The following CSMD1 variants were observed in gnomAD, a reference collection of about 807,000 sequenced individuals.
CSMD1 encodes CUB and Sushi multiple domains 1, also known as CUB and sushi domain-containing protein 1.
CSMD1 carries 213 observed loss-of-function variants against 417.5 expected under a neutral mutation model. The observed-to-expected ratio is 0.51, with a 90% CI of 0.46 to 0.57. CSMD1 has a LOEUF of 0.57. Ranked by LOEUF, CSMD1 falls within the 20% of genes least tolerant of loss-of-function variation. The probability of loss-of-function intolerance (pLI) is 0.00; values close to 1 mark genes in which losing one functional copy is unlikely to be tolerated. For missense variants in CSMD1, 6,923 were observed against 4,529.7 expected (o/e 1.53, Z -15.17); for synonymous variants, 2,862 against 1,736.8 (o/e 1.65, Z -16.11).
intron 1 of CSMD1, among the ~76,000 whole-genome samples, chr8:4,956,028 C>G (rs1198388258): frequency 1.3e-5 from 2 of 152,216 alleles, no homozygotes; most frequent in Non-Finnish European, 2.9e-5. Flanking sequence ...CTGCTCCAGT[C>G]ACGTGCTCAA....
intron 1 of CSMD1, among the ~76,000 whole-genome samples, chr8:4,838,186 T>C (rs573383693): frequency 2.2e-4 from 34 of 152,300 alleles, no homozygotes; most frequent in Middle Eastern, 6.8e-3. Flanking sequence ...TTGTGTGCAG[T>C]GTTCTCCCCG....
At chr8:3,732,204 G>C (rs781223239) in intron 6 of CSMD1, among the ~76,000 whole-genome samples, 1 of 152,182 alleles carries the variant, frequency 6.6e-6, no homozygotes, top group African/African-American at 2.4e-5. Flanking sequence ...TTTCCGAGAG[G>C]ACTCTATCAA....
At chr8:4,876,137 G>C (rs954163629) in intron 1 of CSMD1, among the ~76,000 whole-genome samples, 1 of 151,946 alleles carries the variant, frequency 6.6e-6, no homozygotes, top group Admixed American at 6.6e-5. Context: ...GTAAAATTAA[G>C]GAATACAAAT....
chr8:3,835,867 T>C (rs1417473701), intron 5 of CSMD1, among the ~76,000 whole-genome samples: 1 of 152,148 alleles, frequency 6.6e-6, no homozygotes, highest in African/African-American at 2.4e-5. Flanking sequence ...AGTGCCTCTG[T>C]ACCATTCGTT....
At chr8:2,984,560 G>T (rs927643622) in intron 54 of CSMD1, among the ~76,000 whole-genome samples, 1 of 152,168 alleles carries the variant, frequency 6.6e-6, no homozygotes, top group African/African-American at 2.4e-5. Context: ...TATTGGTCAG[G>T]CTGGTCTTGA....
intron 12 of CSMD1, among the ~76,000 whole-genome samples, chr8:3,463,622 G>C (rs922437394): frequency 5.9e-5 from 9 of 152,224 alleles, no homozygotes; most frequent in African/African-American, 1.4e-4. Context: ...CCAGTGAGCT[G>C]TCCTCGGTTC....
rs118180338 is a variant in CSMD1 at position 4,839,366 on chromosome 8, T to C, written c.85+154966A>G. ...CATACAACCAAGCAAATATATTTCA[T>C]AATTATGTCAAAGTATCACATCACA... On this transcript the variant is annotated intron_variant, in intron 1 of 69. Coordinates refer to ENST00000635120, the MANE Select transcript of CSMD1 (RefSeq NM_033225.6). Among the ~76,000 whole-genome samples the C allele has an allele frequency of 8.5e-3, 1,295 of 152,344 alleles. 11 individuals carry two copies. Among genetic ancestry groups the C allele is most frequent in the South Asian group, 0.035 (169 of 4,832 alleles).
chr8:4,355,994 G>A (rs975006217), intron 3 of CSMD1, among the ~76,000 whole-genome samples: 4 of 152,068 alleles, frequency 2.6e-5, no homozygotes, highest in African/African-American at 9.7e-5. Flanking sequence ...TGATATTGGG[G>A]TACATGTGGC....
chr8:4,320,821 A>C (rs958222653), intron 3 of CSMD1, among the ~76,000 whole-genome samples: 7 of 152,178 alleles, frequency 4.6e-5, no homozygotes, highest in Non-Finnish European at 1.0e-4. Context: ...TTGACCCAAC[A>C]ATCCCATTAC....
chr8:3,970,255 C>A (rs973299324), intron 5 of CSMD1, among the ~76,000 whole-genome samples: 1 of 152,202 alleles, frequency 6.6e-6, no homozygotes, highest in Non-Finnish European at 1.5e-5. Context: ...ACTAAACAGA[C>A]CAGAACGCTG....
intron 2 of CSMD1, among the ~76,000 whole-genome samples, chr8:4,515,048 A>G (rs1803040724): frequency 6.6e-6 from 1 of 151,954 alleles, no homozygotes; most frequent in Non-Finnish European, 1.5e-5. Flanking sequence ...TCAGAACTAC[A>G]CTCCACACCC....
intron 1 of CSMD1, among the ~76,000 whole-genome samples, chr8:4,722,449 T>C (rs943335582): frequency 6.6e-6 from 1 of 152,160 alleles, no homozygotes; most frequent in Non-Finnish European, 1.5e-5. Context: ...GAAGTGAAAA[T>C]GCATTTTGTA....
chr8:3,779,658 A>G (rs943782686), intron 5 of CSMD1, among the ~76,000 whole-genome samples: 4 of 152,202 alleles, frequency 2.6e-5, no homozygotes, highest in Non-Finnish European at 5.9e-5. Context: ...CATTTATGCA[A>G]TGATATGACA....
chr8:4,124,034 A>G (rs1431877904), intron 3 of CSMD1, among the ~76,000 whole-genome samples: 2 of 151,952 alleles, frequency 1.3e-5, no homozygotes, highest in African/African-American at 4.8e-5. Context: ...TTTTTTCTAC[A>G]TTGCATTCCG....
At chr8:3,388,179 G>A (rs569600504) in intron 17 of CSMD1, among the ~76,000 whole-genome samples, 9 of 152,240 alleles carry the variant, frequency 5.9e-5, no homozygotes, top group African/African-American at 1.9e-4. Context: ...AACTGTGCTA[G>A]TGTTATTTTT....
chr8:3,707,952 G>A (rs995684006), intron 7 of CSMD1, among the ~76,000 whole-genome samples: 5 of 152,174 alleles, frequency 3.3e-5, no homozygotes, highest in African/African-American at 9.7e-5. Context: ...TGCAGATCTT[G>A]TTTTCTCTTT....
chr8:2,986,897 T>A (rs1342053925), intron 54 of CSMD1, among the ~76,000 whole-genome samples: 2 of 151,894 alleles, frequency 1.3e-5, no homozygotes, highest in Non-Finnish European at 2.9e-5. Flanking sequence ...TTGCGGTTTT[T>A]ACTACAGCAA....
intron 26 of CSMD1, among the ~76,000 whole-genome samples, chr8:3,261,770 C>G (rs932824215): frequency 2.0e-5 from 3 of 152,088 alleles, no homozygotes; most frequent in South Asian, 2.1e-4. Flanking sequence ...CTGCCTGATT[C>G]CCTCCACAGC....
chr8:3,628,436 C>T (rs575540906), intron 7 of CSMD1, among the ~76,000 whole-genome samples: 9 of 152,268 alleles, frequency 5.9e-5, no homozygotes, highest in Non-Finnish European at 7.4e-5. Context: ...TTCCATTAAC[C>T]GTAAGTCATG....
Sources: gnomAD v4.1 joint callset for allele counts (sites outside exome capture counted in the v4.1 genomes callset) on GRCh38, gnomAD v4.1.1 for gene constraint, MANE v1.5 for transcripts, NCBI Gene and HGNC (gene_info 2026-07-23, HGNC 2026-07-21) for gene names.